BRINP2: variants seen among roughly 807,000 people sequenced by gnomAD.
BRINP2 encodes BMP/retinoic acid inducible neural specific 2, also known as BMP/retinoic acid-inducible neural-specific protein 2.
A neutral mutation model predicts 69.2 loss-of-function variants in BRINP2; 21 were observed. That is an observed-to-expected ratio of 0.30 (90% CI 0.22 to 0.44). The LOEUF is 0.44. Among genes scored for constraint, BRINP2 ranks in the 20% least tolerant of loss-of-function variants. The pLI is 1.00. For missense variants in BRINP2, 877 were observed against 986.0 expected, an observed-to-expected ratio of 0.89 and a Z score of 1.48; for synonymous variants, 380 against 394.1, an observed-to-expected ratio of 0.96 and a Z score of 0.42.
intron 2 of BRINP2, among the ~76,000 whole-genome samples, chr1:177,243,183 T>A (rs1650259310): frequency 6.6e-6 from 1 of 151,184 alleles, no homozygotes; most frequent in Non-Finnish European, 1.5e-5. Flanking sequence ...TAAAGAGAGA[T>A]TAATTGAGAA....
intron 1 of BRINP2, among the ~76,000 whole-genome samples, chr1:177,216,541 T>C (rs1377629166): frequency 1.3e-5 from 2 of 152,154 alleles, no homozygotes; most frequent in African/African-American, 4.8e-5. Flanking sequence ...ACTATCACAG[T>C]CCTAGGCTAT....
intron 4 of BRINP2, among the ~76,000 whole-genome samples, chr1:177,261,193 T>G (rs1052437151): frequency 7.0e-6 from 1 of 143,552 alleles, no homozygotes; most frequent in Admixed American, 7.2e-5. Flanking sequence ...AGGAGAGAAA[T>G]GAAGTGAAAG....
At chr1:177,205,876 T>C (rs1219261285) in intron 1 of BRINP2, among the ~76,000 whole-genome samples, 3 of 152,234 alleles carry the variant, frequency 2.0e-5, no homozygotes, top group Non-Finnish European at 4.4e-5. Flanking sequence ...CGTTAGTTCC[T>C]GGTATTCGCA....
Position 177,280,419 on chromosome 1 carries a change from T to C in BRINP2, c.1243T>C (p.Ser415Pro), listed in dbSNP as rs1397696452. The C allele has an allele frequency of 3.1e-6, 5 of 1,605,030 alleles. No homozygotes were observed. The Admixed American group carries it at 5.1e-5, about 16-fold the overall frequency. The change falls in exon 8 of 8, where the codon TCC (serine) becomes CCC (proline). Residue 415 changes from serine (S) to proline (P), a missense_variant. By Grantham distance (74) the Ser-to-Pro change is moderately conservative (BLOSUM62 -1). Transcript: ENST00000361539. ...TTATCTCTGCTCCCCAAGGTCCTTG[T>C]CCTACTGGTGGAACCGAATCCAGTC... ...RFRLPKERSL[S>P]YWWNRIQSLL... is the part of the protein sequence containing the mutation.
chr1:177,222,518 G>A (rs1217011846), intron 1 of BRINP2, among the ~76,000 whole-genome samples: 1 of 151,924 alleles, frequency 6.6e-6, no homozygotes, highest in Non-Finnish European at 1.5e-5. Context: ...CACCAGGTTG[G>A]CCAGGCTGGT....
intron 5 of BRINP2, among the ~76,000 whole-genome samples, chr1:177,275,678 C>T (rs552983557): frequency 3.3e-5 from 5 of 152,318 alleles, no homozygotes; most frequent in Admixed American, 1.3e-4. Flanking sequence ...ACCAGGACAG[C>T]TTCCTTGGTC....
chr1:177,205,855 C>G (rs1351245318), intron 1 of BRINP2, among the ~76,000 whole-genome samples: 1 of 152,140 alleles, frequency 6.6e-6, no homozygotes, highest in Non-Finnish European at 1.5e-5. Context: ...TTCAAGATGG[C>G]CTTCAATACT....
intron 1 of BRINP2, among the ~76,000 whole-genome samples, chr1:177,201,256 C>T (rs1045299027): frequency 6.6e-5 from 10 of 152,168 alleles, no homozygotes; most frequent in Non-Finnish European, 1.3e-4. Flanking sequence ...TTTCAGAGGT[C>T]TAAACTGATG....
chr1:177,281,630 G>A lies in BRINP2; in HGVS notation c.*102G>A, dbSNP rs1009205540. On this transcript the variant is annotated 3_prime_UTR_variant, in exon 8 of 8. Coordinates refer to ENST00000361539, the MANE Select transcript of BRINP2 (RefSeq NM_021165.4). ...TAGTGCCAACAGGGTGTGCTCCCAC[G>A]AGACTTTCAGCATCCAGTAGATGGG... The A allele has an allele frequency of 6.9e-5, 99 of 1,431,352 alleles. No homozygotes were observed. The highest frequency in any genetic ancestry group is 8.7e-5 in the Non-Finnish European group (93 of 1,072,362). 88.7% of individuals were successfully genotyped at this position (1,431,352 alleles called of 1,614,324 possible).
In BRINP2 at chr1:177,229,838, G is replaced by A. The variant is rs1649808818; in HGVS notation, c.-39G>A. 2.6e-6 allele frequency: 4 copies of A among 1,544,822 alleles called. No homozygotes were observed. The highest frequency in any genetic ancestry group is 2.3e-5 in the East Asian group (1 of 43,902). ...GAGGAGCAGCACGGAGCGGGAGAGC[G>A]TGGCGAGAGAATGAAGAAACCAATC... On this transcript the variant is annotated 5_prime_UTR_variant, in exon 2 of 8. In the 5' UTR this introduces an upstream ATG that the reference lacks. Transcript: ENST00000361539.
chr1:177,229,111 C>A (rs1429608343), intron 1 of BRINP2, among the ~76,000 whole-genome samples: 1 of 152,152 alleles, frequency 6.6e-6, no homozygotes, highest in Non-Finnish European at 1.5e-5. Flanking sequence ...ACGCTATATG[C>A]AATATCTGAG....
intron 1 of BRINP2, among the ~76,000 whole-genome samples, chr1:177,213,018 GTTGTTA>G (rs1649274945): frequency 6.6e-6 from 1 of 152,134 alleles, no homozygotes; most frequent in Non-Finnish European, 1.5e-5. Flanking sequence ...TGGTTTTATT[GTTGTTA>G]TTGTTATGAA....
At chr1:177,232,524 C>T (rs1287875728) in intron 2 of BRINP2, among the ~76,000 whole-genome samples, 1 of 152,166 alleles carries the variant, frequency 6.6e-6, no homozygotes, top group Non-Finnish European at 1.5e-5. Flanking sequence ...GATAGTCACA[C>T]ACCGCTGCTT....
intron 1 of BRINP2, among the ~76,000 whole-genome samples, chr1:177,185,658 A>G (rs1162042352): frequency 6.6e-6 from 1 of 152,248 alleles, no homozygotes; most frequent in South Asian, 2.1e-4. Context: ...GAACAATCCT[A>G]TAAGTCAGAC....
intron 2 of BRINP2, among the ~76,000 whole-genome samples, chr1:177,234,626 A>C (rs1404937173): frequency 6.6e-6 from 1 of 152,232 alleles, no homozygotes; most frequent in Non-Finnish European, 1.5e-5. Flanking sequence ...TGAGAGAGAA[A>C]GTTGGAAATC....
chr1:177,257,568 C>T (rs1650810908), intron 4 of BRINP2, among the ~76,000 whole-genome samples, 184 bp downstream of exon 4: 1 of 152,164 alleles, frequency 6.6e-6, no homozygotes, highest in South Asian at 2.1e-4. Flanking sequence ...CAGACACTCA[C>T]AGAGCACCCA....
At chr1:177,275,491 A>G (rs1651462375) in intron 5 of BRINP2, among the ~76,000 whole-genome samples, 1 of 152,212 alleles carries the variant, frequency 6.6e-6, no homozygotes. Context: ...AGGATCTGAC[A>G]CTAAGCAGAT....
rs1381540190 is a variant in BRINP2 at position 177,281,041 on chromosome 1, C to T, written c.1865C>T (p.Ala622Val). Residue 622 changes from alanine to valine, a missense_variant, in exon 8 of 8, where the codon GCC becomes GTC. Coordinates refer to ENST00000361539, the MANE Select transcript of BRINP2 (RefSeq NM_021165.4). ...DWERTNVDAA[A>V]QCQNWTITLG... ...GAAAGGACTAACGTGGATGCAGCTG[C>T]CCAGTGCCAAAACTGGACTATCACC... The T allele has an allele frequency of 3.7e-6, 6 of 1,614,184 alleles. No individual in the cohort carries two copies. The South Asian group carries it at 4.4e-5, about 12-fold the overall frequency.
intron 1 of BRINP2, among the ~76,000 whole-genome samples, chr1:177,202,838 A>G (rs1179664776): frequency 6.6e-6 from 1 of 152,204 alleles, no homozygotes; most frequent in Non-Finnish European, 1.5e-5. Flanking sequence ...CAGGTGCTGG[A>G]GAGGATGTGG....
Sources: gnomAD v4.1 joint callset for allele counts (sites outside exome capture counted in the v4.1 genomes callset) on GRCh38, gnomAD v4.1.1 for gene constraint, MANE v1.5 for transcripts, NCBI Gene and HGNC (gene_info 2026-07-23, HGNC 2026-07-21) for gene names.